Variants in PCDHGA2 observed in about 807,000 individuals in gnomAD.
The protein encoded by PCDHGA2 is protocadherin gamma subfamily A, 2, also known as protocadherin gamma-A2.
In PCDHGA2, 40 loss-of-function variants were observed where a neutral mutation model predicts 59.2. The ratio of observed to expected loss-of-function variants is 0.68; its 90% confidence interval spans 0.52 to 0.88. The LOEUF (loss-of-function observed/expected upper bound fraction) is 0.88, where lower values mean the gene tolerates loss of function less well. Ranked by LOEUF, PCDHGA2 falls within the 40% of genes least tolerant of loss-of-function variation. The pLI is 0.00. For synonymous variants in PCDHGA2, 560 were observed against 526.0 expected, an observed-to-expected ratio of 1.06 and a Z score of -0.89; for missense variants, 1,226 against 1,204.0, an observed-to-expected ratio of 1.02 and a Z score of -0.27.
Position 141,385,136 on chromosome 5 carries a change from T to C in PCDHGA2, c.2424+43741T>C, listed in dbSNP as rs760226388. The C allele has an allele frequency of 1.2e-6, 2 of 1,614,180 alleles. No individual in the cohort carries two copies. Among genetic ancestry groups the C allele is most frequent in the Middle Eastern group, 1.6e-4 (1 of 6,062 alleles). ...TCGCACTTTGTGGGCATGGACGGGG[T>C]GCAGGCTTTCCTGCAGACCTATTCC... On this transcript the variant is annotated intron_variant, in intron 1 of 3. Transcript: ENST00000394576.
chr5:141,487,452 T>A lies in PCDHGA2; in HGVS notation c.2425-7355T>A, dbSNP rs778695562. 40 of 1,614,046 alleles carry A rather than the reference T, an allele frequency of 2.5e-5. No homozygotes were observed. The highest frequency in any genetic ancestry group is 3.4e-5 in the Non-Finnish European group (40 of 1,180,004). On this transcript the variant is annotated intron_variant, in intron 1 of 3. Coordinates refer to ENST00000394576, the MANE Select transcript of PCDHGA2 (RefSeq NM_018915.4). This position sits in a 1 kb window ranked among gnomAD's most constrained non-coding sequence, Gnocchi z 5.0. ...ATCCAGCTAGGGTCAGATGACCCTA[T>A]CAAGTTTGTTGATGTGGGAGGCCAC... is the stretch of plus-strand genomic sequence containing the variant.
At chr5:141,495,544 T>C (rs971374249) in intron 2 of PCDHGA2, among the ~76,000 whole-genome samples, 5 of 152,220 alleles carry the variant, frequency 3.3e-5, no homozygotes, top group African/African-American at 7.2e-5. Context: ...CCTCAGTCTC[T>C]ATCTCGCTTT....
intron 1 of PCDHGA2, chr5:141,388,607 G>A (rs943233962): frequency 6.2e-7 from 1 of 1,613,904 alleles, no homozygotes; most frequent in Non-Finnish European, 8.5e-7. Context: ...ATGCTCCAGT[G>A]TTCAGTCAAG....
intron 1 of PCDHGA2, chr5:141,414,464 A>G (rs1331771342): frequency 1.2e-6 from 2 of 1,613,904 alleles, no homozygotes; most frequent in African/African-American, 1.3e-5. Context: ...ACAGCCACAG[A>G]TGGGGGAAGT....
chr5:141,496,215 T>C (rs2099767024), intron 2 of PCDHGA2, among the ~76,000 whole-genome samples: 3 of 152,114 alleles, frequency 2.0e-5, no homozygotes, highest in Non-Finnish European at 4.4e-5. Context: ...TATGAATTCC[T>C]GCTGAGACAG....
intron 1 of PCDHGA2, chr5:141,359,935 G>A: frequency 4.3e-6 from 2 of 465,926 alleles, no homozygotes; most frequent in South Asian, 7.9e-5. Flanking sequence ...ACCTCTGAGC[G>A]TCGCTGTTGG....
At chr5:141,399,509 A>G in intron 1 of PCDHGA2, 13 of 1,613,968 alleles carry the variant, frequency 8.1e-6, no homozygotes, top group Non-Finnish European at 1.1e-5. Flanking sequence ...CCCGAAAACA[A>G]CCCTCCTGGG....
At chr5:141,399,445 G>GATA in intron 1 of PCDHGA2, 1 of 1,614,032 alleles carries the variant, frequency 6.2e-7, no homozygotes, top group Non-Finnish European at 8.5e-7. Flanking sequence ...ACATATCAGA[G>GATA]ACGTCAACGA....
chr5:141,395,310 A>G (rs752171326), intron 1 of PCDHGA2: 7 of 1,502,410 alleles, frequency 4.7e-6, no homozygotes. Context: ...TTTGAAAAAC[A>G]TTGTGAAGAT....
chr5:141,347,399 C>T (rs1342826817), intron 1 of PCDHGA2, among the ~76,000 whole-genome samples: 1 of 152,006 alleles, frequency 6.6e-6, no homozygotes, highest in Non-Finnish European at 1.5e-5. Context: ...AAGTGATCTG[C>T]CCACGTCAGC....
chr5:141,342,703 G>A (rs1173725593), intron 1 of PCDHGA2: 2 of 152,184 alleles, frequency 1.3e-5, no homozygotes, highest in African/African-American at 2.4e-5. Context: ...TTTTTAGTGT[G>A]TGTAGTAACT....
chr5:141,351,786 T>C, intron 1 of PCDHGA2: 2 of 1,613,248 alleles, frequency 1.2e-6, no homozygotes, highest in South Asian at 1.1e-5. Flanking sequence ...CAGAGCGGGG[T>C]GGTGTTCGCG....
intron 1 of PCDHGA2, chr5:141,365,416 C>T (rs780113082): frequency 5.0e-6 from 8 of 1,613,930 alleles, no homozygotes; most frequent in Non-Finnish European, 6.8e-6. Context: ...ACTGTCTTCC[C>T]GGAACTGTAA....
rs775284049 is a variant in PCDHGA2 at position 141,431,448 on chromosome 5, T to C, written c.2425-63359T>C. On this transcript the variant is annotated intron_variant, in intron 1 of 3. Coordinates refer to ENST00000394576, the MANE Select transcript of PCDHGA2 (RefSeq NM_018915.4). The surrounding 1 kb of genome is among the most constrained non-coding windows in gnomAD (Gnocchi z 4.8). ...CGCACAGGCACCGCGCGCATCCGCG[T>C]GATGGTTCTGGATGCGAACGACAAC... 2.5e-6 allele frequency: 4 copies of C among 1,613,706 alleles called. No individual in the cohort carries two copies. The South Asian group carries it at 4.4e-5, about 18-fold the overall frequency.
At position 141,432,579 on chromosome 5, in the gene PCDHGA2, G is replaced by T; in HGVS notation, c.2425-62228G>T. On this transcript the variant is annotated intron_variant, in intron 1 of 3. Coordinates refer to ENST00000394576, the MANE Select transcript of PCDHGA2 (RefSeq NM_018915.4). This position sits in a 1 kb window ranked among gnomAD's most constrained non-coding sequence, Gnocchi z 6.0. ...GGCCAGAACGCCTGGCTGTCCTACC[G>T]TCTGCTCAAGGCCAGCGAGCCGGGA... is the stretch of plus-strand genomic sequence containing the variant. 1 of 1,613,860 alleles carries T rather than the reference G, an allele frequency of 6.2e-7. No homozygotes were observed. Among genetic ancestry groups the T allele is most frequent in the Non-Finnish European group, 8.5e-7 (1 of 1,179,984 alleles).
At chr5:141,400,400 C>A (rs375490385) in intron 1 of PCDHGA2, 2 of 1,614,000 alleles carry the variant, frequency 1.2e-6, no homozygotes, top group Admixed American at 3.3e-5. Flanking sequence ...ACAGGAAAGA[C>A]GGAGTTTAAT....
chr5:141,433,571 C>T lies in PCDHGA2; in HGVS notation c.2425-61236C>T, dbSNP rs2097625242. ...TCTTTTCTGGCTGGGCGCGGTGGCT[C>T]ACGCCTGTAATCCCAGTACTTTGGG... On this transcript the variant is annotated intron_variant, in intron 1 of 3. Coordinates refer to ENST00000394576, the MANE Select transcript of PCDHGA2 (RefSeq NM_018915.4). 3.9e-5 allele frequency among the ~76,000 whole-genome samples: 6 copies of T among 152,228 alleles called. No homozygotes were observed. The South Asian group carries it at 1.2e-3, about 32-fold the overall frequency.
intron 2 of PCDHGA2, among the ~76,000 whole-genome samples, chr5:141,497,893 C>T (rs1194262199): frequency 6.6e-6 from 1 of 152,132 alleles, no homozygotes; most frequent in Non-Finnish European, 1.5e-5. Flanking sequence ...GGATCTAGTC[C>T]AGTAACTTCA....
At chr5:141,346,336 T>A (rs1210263580) in intron 1 of PCDHGA2, 1 of 1,614,222 alleles carries the variant, frequency 6.2e-7, no homozygotes, top group Non-Finnish European at 8.5e-7. Context: ...AAGAGCCACC[T>A]GATTTTCCCC....
Sources: allele counts gnomAD v4.1 joint callset (sites outside exome capture counted in the v4.1 genomes callset), GRCh38; gene constraint gnomAD v4.1.1; non-coding constraint Gnocchi (gnomAD v3.1); transcripts MANE v1.5; gene names NCBI Gene and HGNC (gene_info 2026-07-23, HGNC 2026-07-21).